The following DZANK1 variants were observed in gnomAD, a reference collection of about 807,000 sequenced individuals.
DZANK1 encodes double zinc ribbon and ankyrin repeat domains 1.
Under a neutral mutation model 94.5 loss-of-function variants are expected in DZANK1, and 91 were observed. The observed-to-expected ratio is 0.96, with a 90% CI of 0.81 to 1.15. The LOEUF is 1.15. DZANK1 is among the 50% of genes most tolerant of loss of function. The pLI is 0.00. For missense variants in DZANK1, 903 were observed against 916.4 expected (o/e 0.99, Z 0.19); for synonymous variants, 312 against 325.3 (o/e 0.96, Z 0.44).
At chr20:18,393,074 C>T (rs550772747) in intron 17 of DZANK1, among the ~76,000 whole-genome samples, 7 of 152,308 alleles carry the variant, frequency 4.6e-5, no homozygotes, top group Non-Finnish European at 8.8e-5. Flanking sequence ...CCAACAAAGG[C>T]TTCTACTTGG....
intron 8 of DZANK1, among the ~76,000 whole-genome samples, chr20:18,439,407 T>G (rs1448859764): frequency 1.3e-5 from 2 of 152,216 alleles, no homozygotes; most frequent in African/African-American, 4.8e-5. Context: ...GTTGCTCCAA[T>G]GCAGTGATTC....
intron 8 of DZANK1, among the ~76,000 whole-genome samples, chr20:18,442,622 A>C (rs1326287502): frequency 6.6e-6 from 1 of 152,216 alleles, no homozygotes; most frequent in Non-Finnish European, 1.5e-5. Flanking sequence ...TGCTTGAGGC[A>C]TAACTCGAAT....
chr20:18,442,688 T>A (rs1481302072), intron 8 of DZANK1, among the ~76,000 whole-genome samples: 1 of 152,220 alleles, frequency 6.6e-6, no homozygotes, highest in Non-Finnish European at 1.5e-5. Flanking sequence ...AGTAACTATC[T>A]TCTTAAAAAT....
intron 13 of DZANK1, among the ~76,000 whole-genome samples, chr20:18,403,223 T>G (rs1209635141): frequency 6.6e-6 from 1 of 152,204 alleles, no homozygotes; most frequent in Non-Finnish European, 1.5e-5. Context: ...ACCTTTGATC[T>G]GGGACACTGA....
chr20:18,452,874 A>G (rs556288390), intron 5 of DZANK1, 135 bp from the exon 6 acceptor site: 1 of 895,832 alleles, frequency 1.1e-6, no homozygotes, highest in African/African-American at 1.7e-5. Context: ...TAACAATTAT[A>G]TAAAGAGCTC....
chr20:18,429,508 C>T lies in DZANK1; in HGVS notation c.862-2349G>A, dbSNP rs367781629. Among the ~76,000 whole-genome samples, 19 of 152,336 alleles carry T rather than the reference C, an allele frequency of 1.2e-4. No homozygotes were observed. In the South Asian group the frequency reaches 2.5e-3, roughly 20 times the overall value. On this transcript the variant is annotated intron_variant, in intron 9 of 20. Transcript: ENST00000262547. ...GAAGATTCTCGTATACCCTGTCCCA[C>T]GCCACAGACACGGCCTCCCCCACAC... is the stretch of plus-strand genomic sequence containing the variant.
chr20:18,409,827 C>T (rs918221282), intron 13 of DZANK1, among the ~76,000 whole-genome samples: 10 of 151,868 alleles, frequency 6.6e-5, no homozygotes, highest in Non-Finnish European at 1.2e-4. Context: ...CCTAGCACTT[C>T]GGGAGGCCAA....
chr20:18,411,228 C>A (rs1297491864), intron 13 of DZANK1, among the ~76,000 whole-genome samples: 1 of 151,854 alleles, frequency 6.6e-6, no homozygotes, highest in Non-Finnish European at 1.5e-5. Flanking sequence ...TGGAAAAGAT[C>A]AATGAAATTG....
chr20:18,454,983 T>G (rs1342182680), intron 4 of DZANK1, among the ~76,000 whole-genome samples: 3 of 152,130 alleles, frequency 2.0e-5, no homozygotes, highest in African/African-American at 7.2e-5. Flanking sequence ...GTTTCTGGTT[T>G]TTTCAGTAGG....
At chr20:18,430,682 G>T (rs1383536525) in intron 9 of DZANK1, among the ~76,000 whole-genome samples, 1 of 152,164 alleles carries the variant, frequency 6.6e-6, no homozygotes, top group Non-Finnish European at 1.5e-5. Context: ...TGGCGTGGTG[G>T]CATATGCCTG....
rs12624463 is a variant in DZANK1, at chr20:18,441,200, C to T, written c.747+2147G>A. On this transcript the variant is annotated intron_variant, in intron 8 of 20. Transcript: ENST00000262547. This position sits in a 1 kb window ranked among gnomAD's most constrained non-coding sequence, Gnocchi z 4.1. The stretch of plus-strand genomic sequence containing the variant: ...ACTTGCTTCAATTGGCACGTCATCA[C>T]AATCAGCCACAGGTGACAGCCTGAT... Among the ~76,000 whole-genome samples the T allele has an allele frequency of 0.37, 55,655 of 152,046 alleles. 10,994 individuals are homozygous for T. Among genetic ancestry groups the T allele is most frequent in the Middle Eastern group, 0.46 (135 of 292 alleles).
chr20:18,427,606 GGT>G (rs11474236), intron 9 of DZANK1, among the ~76,000 whole-genome samples: 61,954 of 148,508 alleles, frequency 0.42, 12,800 homozygotes, highest in Middle Eastern at 0.47. Flanking sequence ...TGTAAGGTTG[GGT>G]GTGTGTGTGT....
intron 8 of DZANK1, among the ~76,000 whole-genome samples, chr20:18,442,288 A>C (rs943083597): frequency 5.9e-5 from 9 of 152,204 alleles, no homozygotes. Flanking sequence ...TTGGTATCGC[A>C]CCAACTAGTA....
chr20:18,429,292 G>A (rs971656595), intron 9 of DZANK1, among the ~76,000 whole-genome samples: 2 of 152,286 alleles, frequency 1.3e-5, no homozygotes, highest in Admixed American at 6.5e-5. Context: ...CAAGTCCAAC[G>A]GCTTCCTTCA....
intron 14 of DZANK1, 196 bp downstream of exon 14, chr20:18,398,327 C>G: frequency 1.8e-6 from 1 of 561,226 alleles, no homozygotes; most frequent in South Asian, 2.4e-5. Context: ...GCCCCAGAAG[C>G]AGACTCTGAG....
chr20:18,391,659 C>T (rs1253460676), intron 17 of DZANK1, among the ~76,000 whole-genome samples: 1 of 152,192 alleles, frequency 6.6e-6, no homozygotes, highest in African/African-American at 2.4e-5. Flanking sequence ...TATGTTTCTG[C>T]CTCTGGATCC....
chr20:18,410,065 T>C (rs1300578161), intron 13 of DZANK1, among the ~76,000 whole-genome samples: 1 of 140,010 alleles, frequency 7.1e-6, no homozygotes, highest in East Asian at 2.0e-4. Flanking sequence ...GGGAGGTGAG[T>C]AAGAGCAAAG....
rs778471457 is a variant in DZANK1, at chr20:18,396,584, G to A, written c.1537-38C>T. 2.7e-6 allele frequency: 4 copies of A among 1,501,632 alleles called. No homozygotes were observed. The East Asian group carries it at 6.9e-5, about 26-fold the overall frequency. The allele number at this position is 1,501,632 out of a possible 1,614,324, so 93.0% of individuals were successfully genotyped here. On this transcript the variant is annotated intron_variant, in intron 14 of 20. Transcript: ENST00000262547. ...TTGTAGAGAGAATTCATAACTGTGG[G>A]TGTGGGACTCATTGCCTTAAGTAAC...
In DZANK1 at chr20:18,393,763, C is replaced by T. The variant is rs2056156757; in HGVS notation, c.1757G>A (p.Arg586Lys). The T allele has an allele frequency of 1.2e-6, 2 of 1,613,048 alleles. No individual in the cohort carries two copies. The highest frequency in any genetic ancestry group is 8.5e-7 in the Non-Finnish European group (1 of 1,179,458). Residue 586 changes from arginine (R) to lysine (K), a missense_variant, in exon 17 of 21, where the codon AGG becomes AAG. Physicochemically the swap from Arg to Lys is conservative, Grantham distance 26 (BLOSUM62 2). Transcript: ENST00000262547. The stretch of plus-strand genomic sequence containing the variant: ...AGTTTTGGTCTTGAAATTCTTTATC[C>T]TTTTGATTTTTTCAATAGTATCTGA...
Sources: allele counts gnomAD v4.1 joint callset (sites outside exome capture counted in the v4.1 genomes callset), GRCh38; gene constraint gnomAD v4.1.1; non-coding constraint Gnocchi (gnomAD v3.1); transcripts MANE v1.5; gene names NCBI Gene and HGNC (gene_info 2026-07-23, HGNC 2026-07-21).